PRSS23: variants seen among roughly 807,000 people sequenced by gnomAD.
PRSS23 encodes protease, serine 23.
Under a neutral mutation model 34.7 loss-of-function variants are expected in PRSS23, and 25 were observed. The ratio of observed to expected loss-of-function variants is 0.72; its 90% confidence interval spans 0.53 to 1.01. PRSS23 has a LOEUF of 1.01. Ranked by LOEUF, PRSS23 falls within the 50% of genes least tolerant of loss-of-function variation. The pLI, the probability that PRSS23 is intolerant of heterozygous loss-of-function variation, is 0.00. For missense variants in PRSS23, 445 were observed against 475.6 expected, an observed-to-expected ratio of 0.94 and a Z score of 0.60; for synonymous variants, 176 against 186.6, an observed-to-expected ratio of 0.94 and a Z score of 0.46.
At chr11:86,893,345 T>C (rs1371938144) in intron 2 of PRSS23, among the ~76,000 whole-genome samples, 1 of 152,182 alleles carries the variant, frequency 6.6e-6, no homozygotes, top group Non-Finnish European at 1.5e-5. Flanking sequence ...TACATATAAG[T>C]ATCTGAATCC....
chr11:86,931,922 T>A, intron 2 of PRSS23, among the ~76,000 whole-genome samples: 1 of 152,166 alleles, frequency 6.6e-6, no homozygotes, highest in East Asian at 1.9e-4. Context: ...TGCCCTATTA[T>A]TGGGGACCAA....
chr11:86,836,075 G>A (rs1050697010), intron 2 of PRSS23, among the ~76,000 whole-genome samples: 1 of 152,112 alleles, frequency 6.6e-6, no homozygotes, highest in African/African-American at 2.4e-5. Context: ...TCATCCTTAA[G>A]GCCCAGGACT....
intron 2 of PRSS23, among the ~76,000 whole-genome samples, chr11:86,894,053 G>A (rs12804150): frequency 0.32 from 49,287 of 152,052 alleles, 9,122 homozygotes; most frequent in Non-Finnish European, 0.41. Flanking sequence ...TCACTCTGTC[G>A]CCCAGGCTGG....
chr11:86,917,244 G>A (rs538183926), intron 2 of PRSS23, among the ~76,000 whole-genome samples: 10 of 152,286 alleles, frequency 6.6e-5, no homozygotes, highest in South Asian at 4.1e-4. Flanking sequence ...GCTTGAACCC[G>A]GGAGACGGAG....
intron 2 of PRSS23, among the ~76,000 whole-genome samples, chr11:86,866,336 A>T (rs1948649218): frequency 6.6e-6 from 1 of 152,116 alleles, no homozygotes; most frequent in African/African-American, 2.4e-5. Flanking sequence ...AGGGGTGGGG[A>T]GCTGCAGTCA....
intron 2 of PRSS23, among the ~76,000 whole-genome samples, chr11:86,871,459 C>T (rs1948683855): frequency 6.6e-6 from 1 of 152,168 alleles, no homozygotes; most frequent in Non-Finnish European, 1.5e-5. Context: ...AATGGGTTCT[C>T]TCTGCATATT....
At chr11:86,951,204 T>C (rs1329129995) in intron 2 of PRSS23, 3 of 1,614,024 alleles carry the variant, frequency 1.9e-6, no homozygotes, top group East Asian at 2.2e-5. Context: ...TTCTCTCTCT[T>C]TACCTTTCCA....
At chr11:86,879,667 A>C (rs61904370) in intron 2 of PRSS23, among the ~76,000 whole-genome samples, 4 of 69,008 alleles carry the variant, frequency 5.8e-5, no homozygotes, top group South Asian at 5.6e-4. Flanking sequence ...CCGTCCGGGA[A>C]GGAGGTGGGG....
At chr11:86,836,355 A>G (rs941913161) in intron 2 of PRSS23, among the ~76,000 whole-genome samples, 3 of 152,044 alleles carry the variant, frequency 2.0e-5, no homozygotes, top group African/African-American at 7.2e-5. Flanking sequence ...TAGGGAAAGG[A>G]GGCAGAATCC....
chr11:86,856,701 T>C (rs1948574082), intron 2 of PRSS23, among the ~76,000 whole-genome samples: 1 of 152,226 alleles, frequency 6.6e-6, no homozygotes. Flanking sequence ...GAGGACATGC[T>C]GCACATTGTT....
chr11:86,867,324 C>G (rs527856360), intron 2 of PRSS23, among the ~76,000 whole-genome samples: 1 of 152,186 alleles, frequency 6.6e-6, no homozygotes, highest in Non-Finnish European at 1.5e-5. Flanking sequence ...TCCCACAATG[C>G]CTTGCACCTG....
At chr11:86,833,220 C>G in intron 2 of PRSS23, 3 of 1,466,012 alleles carry the variant, frequency 2.0e-6, no homozygotes, top group Non-Finnish European at 2.9e-6. Flanking sequence ...CCACAATCAT[C>G]TTGGGGACCG....
intron 2 of PRSS23, chr11:86,837,071 C>T (rs1455131280): frequency 6.6e-6 from 1 of 152,110 alleles, no homozygotes; most frequent in Non-Finnish European, 1.5e-5. Context: ...AAGAATGTTC[C>T]AAGAACCAGA....
intron 2 of PRSS23, chr11:86,909,981 A>C (rs949310077): frequency 6.6e-6 from 1 of 152,244 alleles, no homozygotes; most frequent in Admixed American, 6.5e-5. Context: ...ACTCTTTTCA[A>C]AACAGGATTT....
chr11:86,823,746 C>G (rs1565356201), intron 2 of PRSS23, among the ~76,000 whole-genome samples: 1 of 152,248 alleles, frequency 6.6e-6, no homozygotes, highest in Non-Finnish European at 1.5e-5. Context: ...GTGGCTCACG[C>G]CTGTAATCCC....
chr11:86,942,033 A>G (rs767865202), intron 2 of PRSS23, among the ~76,000 whole-genome samples: 4 of 152,124 alleles, frequency 2.6e-5, no homozygotes, highest in Non-Finnish European at 5.9e-5. Context: ...ACGGTACATA[A>G]ATAGACAACT....
intron 1 of PRSS23, among the ~76,000 whole-genome samples, chr11:86,794,999 T>C (rs1947972030): frequency 6.6e-6 from 1 of 152,170 alleles, no homozygotes. Context: ...TTTGAATCTA[T>C]AATTCTTCCT....
intron 2 of PRSS23, among the ~76,000 whole-genome samples, chr11:86,929,780 G>T (rs1949111257): frequency 1.3e-5 from 2 of 152,114 alleles, no homozygotes; most frequent in Non-Finnish European, 2.9e-5. Context: ...GATCACGAAA[G>T]ATTAAAAACA....
At chr11:86,795,773 G>T (rs1214074140), upstream of PRSS23, among the ~76,000 whole-genome samples, 1 of 152,156 alleles carries the variant, frequency 6.6e-6, no homozygotes, top group African/African-American at 2.4e-5. Flanking sequence ...TAAACTACAA[G>T]ATCCACGTAA....
Sources: allele counts gnomAD v4.1 joint callset (sites outside exome capture counted in the v4.1 genomes callset), GRCh38; gene constraint gnomAD v4.1.1; transcripts MANE v1.5; gene names NCBI Gene and HGNC (gene_info 2026-07-23, HGNC 2026-07-21).